The following NONO variants were observed in gnomAD, a reference collection of about 807,000 sequenced individuals.
NONO encodes non-POU domain containing octamer binding.
NONO carries 6 observed loss-of-function variants against 40.2 expected under a neutral mutation model. The ratio of observed to expected loss-of-function variants is 0.15; its 90% CI spans 0.08 to 0.29. The LOEUF is 0.29. NONO is among the 10% of genes least tolerant of loss of function. The pLI, the probability that NONO is intolerant of heterozygous loss-of-function variation, is 1.00. For synonymous variants in NONO, 89 were observed against 123.3 expected (o/e 0.72, Z 1.85); for missense variants, 133 against 397.8 (o/e 0.33, Z 5.66).
At chrX:71,284,582 T>C (rs1209786483) in intron 2 of NONO, 129 bp downstream of exon 2, 1 of 112,022 alleles carries the variant, frequency 8.9e-6, no homozygotes, top group Non-Finnish European at 1.9e-5. Context: ...TCAAATTTAA[T>C]TGTGGGTTGT....
intron 2 of NONO, among the ~76,000 whole-genome samples, chrX:71,287,918 G>A (rs2031231143): frequency 1.1e-5 from 1 of 91,283 alleles, no homozygotes; most frequent in South Asian, 5.7e-4. Context: ...TGTTGCCCAG[G>A]CTGGTCTCAA....
intron 5 of NONO, 123 bp downstream of exon 5, chrX:71,294,651 C>G (rs1466903479): frequency 2.9e-6 from 2 of 689,848 alleles, no homozygotes; most frequent in Non-Finnish European, 4.2e-6. Flanking sequence ...GGCATGGTGG[C>G]TGACTCCTGT....
In NONO at chrX:71,300,260, C is replaced by T. The variant is rs1602391864; in HGVS notation, c.*184C>T. Reference sequence around the variant, plus strand: ...AGGGGTGGTATTAAACAAGTCAATTCTGTGTGGTATATTGTTTAATCAGTT... The same window carrying T: ...AGGGGTGGTATTAAACAAGTCAATTTTGTGTGGTATATTGTTTAATCAGTT... On this transcript the variant is annotated 3_prime_UTR_variant, in exon 12 of 12. Transcript: ENST00000276079. 2.1e-6 allele frequency: 1 copy of T among 477,831 alleles called. No homozygotes were observed. The highest frequency in any genetic ancestry group is 6.1e-4 in the Middle Eastern group (1 of 1,652). The allele number at this position is 477,831 out of a possible 1,213,427, so 39.4% of individuals were successfully genotyped here.
At chrX:71,295,161 G>A (rs1195390388) in intron 5 of NONO, among the ~76,000 whole-genome samples, 1 of 107,683 alleles carries the variant, frequency 9.3e-6, no homozygotes, top group African/African-American at 3.4e-5. Flanking sequence ...GGCAGAGGTT[G>A]CAGTGAGCCG....
At chrX:71,295,220 CAAA>C (rs1193819209) in intron 5 of NONO, among the ~76,000 whole-genome samples, 6 of 31,073 alleles carry the variant, frequency 1.9e-4, no homozygotes, top group Non-Finnish European at 2.5e-4. Context: ...GACTCTGTCT[CAAA>C]AAAAAAAAAA....
intron 11 of NONO, 115 bp downstream of exon 11, chrX:71,298,931 T>C: frequency 3.8e-6 from 2 of 525,821 alleles, no homozygotes; most frequent in Non-Finnish European, 6.2e-6. Context: ...GCAGTCTTTT[T>C]TTTTTTGGAG....
intron 6 of NONO, 23 bp downstream of exon 6, chrX:71,296,683 C>G: frequency 9.1e-7 from 1 of 1,104,466 alleles, no homozygotes; most frequent in East Asian, 3.0e-5. Flanking sequence ...GATAGATTTC[C>G]CTATTAGGTG....
intron 3 of NONO, among the ~76,000 whole-genome samples, chrX:71,291,484 C>T (rs2031325802): frequency 9.1e-6 from 1 of 110,456 alleles, no homozygotes; most frequent in Admixed American, 9.8e-5. Context: ...CATAGGGCTG[C>T]TTCCTTGAAT....
chrX:71,287,257 T>A (rs1602383799), intron 2 of NONO, among the ~76,000 whole-genome samples: 1 of 110,372 alleles, frequency 9.1e-6, no homozygotes, highest in East Asian at 2.9e-4. Flanking sequence ...ATTTTTGTGT[T>A]TTCGGTAGAG....
chrX:71,293,914 G>T (rs1300685197), intron 4 of NONO: 2 of 251,821 alleles, frequency 7.9e-6, no homozygotes, highest in Non-Finnish European at 1.4e-5. Flanking sequence ...ACAGGCGTGA[G>T]CCACCGTACC....
intron 3 of NONO, among the ~76,000 whole-genome samples, chrX:71,291,040 T>C (rs894341899): frequency 8.9e-6 from 1 of 112,716 alleles, no homozygotes; most frequent in Admixed American, 9.4e-5. Flanking sequence ...TAAACAGATG[T>C]CTGCATGTTT....
At chrX:71,287,966 C>G (rs2031232925) in intron 2 of NONO, among the ~76,000 whole-genome samples, 1 of 101,285 alleles carries the variant, frequency 9.9e-6, no homozygotes, top group South Asian at 4.7e-4. Context: ...CTCAGCCTCC[C>G]AAAGTGCTGA....
At chrX:71,290,435 A>G (rs1401034768) in intron 2 of NONO, among the ~76,000 whole-genome samples, 194 bp from the exon 3 acceptor site, 1 of 111,419 alleles carries the variant, frequency 9.0e-6, no homozygotes, top group Non-Finnish European at 1.9e-5. Context: ...ATTTTTTTTA[A>G]CATAGTTTCC....
chrX:71,290,249 A>G (rs2031293611), intron 2 of NONO, among the ~76,000 whole-genome samples: 1 of 109,465 alleles, frequency 9.1e-6, no homozygotes, highest in African/African-American at 3.3e-5. Context: ...AGGTTTCACC[A>G]TGTTGCCCAG....
intron 11 of NONO, 110 bp downstream of exon 11, chrX:71,298,926 C>T: frequency 2.3e-6 from 1 of 426,810 alleles, no homozygotes; most frequent in Non-Finnish European, 3.8e-6. Flanking sequence ...AGATAGCAGT[C>T]TTTTTTTTTT....
At chrX:71,287,775 G>A (rs974589429) in intron 2 of NONO, among the ~76,000 whole-genome samples, 5 of 105,855 alleles carry the variant, frequency 4.7e-5, no homozygotes, top group African/African-American at 1.4e-4. Flanking sequence ...CCTCCTCTTC[G>A]TGGGTTCAAG....
Position 71,298,504 on chromosome X carries a change from G to A in NONO, c.1167G>A (p.Met389Ile). ...EQEIRMGQMA[M>I]GGAMGINNRG... Reference sequence around the variant, plus strand: ...AGATTCGGATGGGTCAGATGGCTATGGGAGGTAAGGACTTAGGAGGTTAAT... The same window carrying A: ...AGATTCGGATGGGTCAGATGGCTATAGGAGGTAAGGACTTAGGAGGTTAAT... Residue 389 changes from methionine to isoleucine, a missense_variant, in exon 10 of 12, where the codon ATG becomes ATA. Met to Ile is a conservative substitution (Grantham distance 10, BLOSUM62 1). Around this residue, in one of 3 missense-constraint regions of NONO, gnomAD observed 73 missense variants for 162.2 expected, o/e 0.45. Coordinates refer to ENST00000276079, the MANE Select transcript of NONO (RefSeq NM_007363.5). The A allele has an allele frequency of 8.3e-7, 1 of 1,208,203 alleles. No individual in the cohort carries two copies. The highest frequency in any genetic ancestry group is 1.1e-6 in the Non-Finnish European group (1 of 892,240).
rs1191670927 is a variant in NONO at position 71,288,887 on chromosome X, C to A, written c.-9-1742C>A. 3.6e-5 allele frequency among the ~76,000 whole-genome samples: 4 copies of A among 111,878 alleles called. No homozygotes were observed. The South Asian group carries it at 1.5e-3, about 41-fold the overall frequency. On this transcript the variant is annotated intron_variant, in intron 2 of 11. Coordinates refer to ENST00000276079, the MANE Select transcript of NONO (RefSeq NM_007363.5). ...GAAGAAACAGGTACAGAGTAATTTA[C>A]TAGTAAGTAGTACACAATTGAGGAA...
rs977110254 is a variant in NONO, at chrX:71,290,936, C to T, written c.154+145C>T. On this transcript the variant is annotated intron_variant, in intron 3 of 11. Transcript: ENST00000276079. ...TTTTCTCTTTACCTCTTAATACTTA[C>T]GATGGAAAAGGCTGATTCTCCGGAA... 14 of 677,956 alleles carry T rather than the reference C, an allele frequency of 2.1e-5. No homozygotes were observed. The East Asian group carries it at 3.1e-4, about 15-fold the overall frequency. The allele number at this position is 677,956 out of a possible 1,213,427, so 55.9% of individuals were successfully genotyped here. A position where few individuals can be genotyped will look rare whatever the true frequency, so the allele number is the denominator to read the frequency against.
Sources: gnomAD v4.1 joint callset for allele counts (sites outside exome capture counted in the v4.1 genomes callset) on GRCh38, gnomAD v4.1.1 for gene constraint, gnomAD v4.1.1 regional missense constraint, MANE v1.5 for transcripts, NCBI Gene and HGNC (gene_info 2026-07-23, HGNC 2026-07-21) for gene names.